The following RPF2 variants were observed in gnomAD, a reference collection of about 807,000 sequenced individuals.
RPF2 encodes the protein brix domain containing 1.
A neutral mutation model predicts 38.9 loss-of-function variants in RPF2; 21 were observed. That is an observed-to-expected ratio of 0.54 (90% CI 0.38 to 0.78). The LOEUF (loss-of-function observed/expected upper bound fraction) is 0.78, where lower values mean the gene tolerates loss of function less well. Ranked by LOEUF, RPF2 falls within the 30% of genes least tolerant of loss-of-function variation. The probability of loss-of-function intolerance (pLI) is 0.00; values close to 1 mark genes in which losing one functional copy is unlikely to be tolerated. For missense variants in RPF2, 314 were observed against 358.1 expected, an observed-to-expected ratio of 0.88 and a Z score of 0.99; for synonymous variants, 121 against 126.2, an observed-to-expected ratio of 0.96 and a Z score of 0.28.
At chr6:110,982,531 TA>T in intron 1 of RPF2, 1 of 218,316 alleles carries the variant, frequency 4.6e-6, no homozygotes, top group Non-Finnish European at 9.2e-6. Context: ...AATCTTAGCT[TA>T]TTCTGTAAAA....
At position 111,025,735 on chromosome 6, in the gene RPF2, T is replaced by G. The variant is rs1772317223; in HGVS notation, c.*153T>G. On this transcript the variant is annotated 3_prime_UTR_variant, in exon 10 of 10. Coordinates refer to ENST00000441448, the MANE Select transcript of RPF2 (RefSeq NM_032194.3). Reference sequence around the variant, plus strand: ...TATTATGAACAGTAATATACTAGTATTAAGTGTAAAGTAAGCCTTTTATTT... The same window carrying G: ...TATTATGAACAGTAATATACTAGTAGTAAGTGTAAAGTAAGCCTTTTATTT... 1 of 564,690 alleles carries G rather than the reference T, an allele frequency of 1.8e-6. No individual in the cohort carries two copies. The highest frequency in any genetic ancestry group is 3.1e-5 in the East Asian group (1 of 32,476). 35.0% of individuals were successfully genotyped at this position (564,690 alleles called of 1,614,324 possible). A position where few individuals can be genotyped will look rare whatever the true frequency, so the allele number is the denominator to read the frequency against.
intron 7 of RPF2, among the ~76,000 whole-genome samples, chr6:111,015,313 C>CT (rs1191747311): frequency 1.3e-5 from 2 of 151,840 alleles, no homozygotes; most frequent in African/African-American, 4.8e-5. Context: ...ATCAAGATTT[C>CT]TTATTAGAGT....
intron 7 of RPF2, among the ~76,000 whole-genome samples, chr6:111,010,709 T>A (rs1771997440): frequency 6.6e-6 from 1 of 152,226 alleles, no homozygotes; most frequent in South Asian, 2.1e-4. Context: ...TGTAGATCAC[T>A]TTTGAAAAAT....
chr6:110,989,207 T>G, intron 3 of RPF2, 142 bp downstream of exon 3: 1 of 869,306 alleles, frequency 1.2e-6, no homozygotes. Context: ...AATTTCTTTC[T>G]TTTGGTCTGT....
chr6:110,988,399 G>A (rs1771559936), intron 2 of RPF2, among the ~76,000 whole-genome samples: 2 of 150,074 alleles, frequency 1.3e-5, no homozygotes, highest in African/African-American at 2.4e-5. Flanking sequence ...TCAGCCTTTC[G>A]TGATAGAATT....
At chr6:111,024,015 G>A (rs1168907979) in intron 8 of RPF2, among the ~76,000 whole-genome samples, 168 bp from the exon 9 acceptor site, 8 of 152,032 alleles carry the variant, frequency 5.3e-5, no homozygotes, top group Non-Finnish European at 4.4e-5. Flanking sequence ...AAAAGAAGAT[G>A]TGAACCAAAG....
At chr6:110,991,262 C>T (rs1445869356) in intron 3 of RPF2, among the ~76,000 whole-genome samples, 3 of 151,790 alleles carry the variant, frequency 2.0e-5, no homozygotes, top group African/African-American at 7.3e-5. Flanking sequence ...TCTGGTTTAT[C>T]CTGCTTTTTA....
At chr6:111,009,106 AGT>A (rs935964918) in intron 7 of RPF2, among the ~76,000 whole-genome samples, 3 of 151,920 alleles carry the variant, frequency 2.0e-5, no homozygotes, top group Non-Finnish European at 4.4e-5. Flanking sequence ...CCCAAGCTAG[AGT>A]GCAGTGGCGC....
chr6:111,013,685 G>A (rs55949762), intron 7 of RPF2, among the ~76,000 whole-genome samples: 25 of 152,210 alleles, frequency 1.6e-4, no homozygotes, highest in African/African-American at 4.8e-4. Flanking sequence ...TACATATTTC[G>A]TTTCCCAGAA....
At chr6:110,995,668 T>C (rs1268555745) in intron 4 of RPF2, among the ~76,000 whole-genome samples, 1 of 152,158 alleles carries the variant, frequency 6.6e-6, no homozygotes, top group Non-Finnish European at 1.5e-5. Context: ...CTCAGTAAAC[T>C]GAATCAAAGC....
chr6:111,019,118 G>A (rs1772182925), intron 8 of RPF2, among the ~76,000 whole-genome samples: 1 of 152,106 alleles, frequency 6.6e-6, no homozygotes, highest in Non-Finnish European at 1.5e-5. Flanking sequence ...GCTGAGGCAG[G>A]ACAATTGAGC....
At chr6:111,017,808 G>T (rs1229419309) in intron 8 of RPF2, among the ~76,000 whole-genome samples, 1 of 151,588 alleles carries the variant, frequency 6.6e-6, no homozygotes, top group African/African-American at 2.4e-5. Flanking sequence ...TCCCAGACGG[G>T]GTGGCGGCCA....
At chr6:110,990,346 T>A (rs1402995719) in intron 3 of RPF2, among the ~76,000 whole-genome samples, 1 of 152,222 alleles carries the variant, frequency 6.6e-6, no homozygotes, top group Non-Finnish European at 1.5e-5. Flanking sequence ...TCTTTCATTG[T>A]CTTTGATGAC....
rs747918689 is a variant in RPF2 at position 111,008,091 on chromosome 6, T to G, written c.447T>G (p.Asp149Glu). ...TKPMLIFAGDDFDVTEDYRRL... is the reference protein window; with the variant it reads ...TKPMLIFAGDEFDVTEDYRRL... ...CCATGCTGATATTTGCTGGCGATGATTTCGATGTAACAGAAGATTATAGAA... is the reference window on the plus strand; with the variant it reads ...CCATGCTGATATTTGCTGGCGATGAGTTCGATGTAACAGAAGATTATAGAA... Residue 149 changes from aspartate (D) to glutamate (E), a missense_variant, in exon 7 of 10, where the codon GAT (aspartate) becomes GAG (glutamate). Coordinates refer to ENST00000441448, the MANE Select transcript of RPF2 (RefSeq NM_032194.3). 1 of 1,605,986 alleles carries G rather than the reference T, an allele frequency of 6.2e-7. No homozygotes were observed. The highest frequency in any genetic ancestry group is 8.5e-7 in the Non-Finnish European group (1 of 1,176,706).
At chr6:111,022,377 C>G (rs1368895396) in intron 8 of RPF2, among the ~76,000 whole-genome samples, 1 of 152,098 alleles carries the variant, frequency 6.6e-6, no homozygotes, top group Non-Finnish European at 1.5e-5. Context: ...CAGCTTGAGC[C>G]CATCTGAGAG....
chr6:110,992,553 C>T (rs952909998), intron 4 of RPF2, among the ~76,000 whole-genome samples: 15 of 151,804 alleles, frequency 9.9e-5, no homozygotes, highest in Admixed American at 3.3e-4. Context: ...GATGGGACTA[C>T]AGGTGTACAC....
chr6:110,997,385 A>G (rs12191479), intron 5 of RPF2, 121 bp downstream of exon 5: 53,405 of 638,032 alleles, frequency 0.084, 2,526 homozygotes, highest in Middle Eastern at 0.13. Flanking sequence ...TTCATCCAAG[A>G]GGCATAGGCA....
intron 3 of RPF2, among the ~76,000 whole-genome samples, chr6:110,990,228 G>A (rs1028384576): frequency 4.0e-5 from 6 of 151,444 alleles, no homozygotes; most frequent in Non-Finnish European, 7.4e-5. Context: ...GTGAGCCACC[G>A]TGCCCGGCCC....
chr6:111,023,856 C>G (rs1583277592), intron 8 of RPF2, among the ~76,000 whole-genome samples: 1 of 151,840 alleles, frequency 6.6e-6, no homozygotes, highest in Non-Finnish European at 1.5e-5. Flanking sequence ...GGTGTGGTGG[C>G]GGGTGCCTGT....
Sources: gnomAD v4.1 joint callset for allele counts (sites outside exome capture counted in the v4.1 genomes callset) on GRCh38, gnomAD v4.1.1 for gene constraint, MANE v1.5 for transcripts, NCBI Gene and HGNC (gene_info 2026-07-23, HGNC 2026-07-21) for gene names.